Variants in CHN2 observed in about 807,000 individuals in gnomAD.
The protein encoded by CHN2 is beta-chimaerin.
CHN2 carries 35 observed loss-of-function variants against 56.3 expected under a neutral mutation model. The ratio of observed to expected loss-of-function variants is 0.62; its 90% CI spans 0.47 to 0.82. The LOEUF (loss-of-function observed/expected upper bound fraction) is 0.82, where lower values mean the gene tolerates loss of function less well. Ranked by LOEUF, CHN2 falls within the 40% of genes least tolerant of loss-of-function variation. The pLI is 0.00. For synonymous variants in CHN2, 210 were observed against 212.8 expected, an observed-to-expected ratio of 0.99 and a Z score of 0.12; for missense variants, 491 against 580.5, an observed-to-expected ratio of 0.85 and a Z score of 1.58.
At chr7:29,373,073 T>C (rs1030134136) in intron 3 of CHN2, among the ~76,000 whole-genome samples, 2 of 152,350 alleles carry the variant, frequency 1.3e-5, no homozygotes, top group African/African-American at 4.8e-5. Flanking sequence ...TGGAAAACTT[T>C]TTTAATGCAA....
intron 6 of CHN2, among the ~76,000 whole-genome samples, chr7:29,407,144 C>A (rs1802726978): frequency 6.6e-6 from 1 of 152,162 alleles, no homozygotes; most frequent in African/African-American, 2.4e-5. Flanking sequence ...TCGTGGAGAC[C>A]ATCTCATGCA....
intron 6 of CHN2, among the ~76,000 whole-genome samples, chr7:29,440,716 T>C (rs1243243384): frequency 5.0e-5 from 6 of 119,986 alleles, no homozygotes; most frequent in African/African-American, 1.9e-4. Flanking sequence ...AAAAAAAGAA[T>C]GCACAGAGAG....
intron 2 of CHN2, among the ~76,000 whole-genome samples, chr7:29,172,548 A>G (rs1796740396): frequency 6.6e-6 from 1 of 152,254 alleles, no homozygotes; most frequent in African/African-American, 2.4e-5. Flanking sequence ...CAGTTGGGAA[A>G]TGAATTTTAA....
intron 1 of CHN2, among the ~76,000 whole-genome samples, chr7:29,266,689 A>T (rs1790170866): frequency 6.6e-6 from 1 of 152,196 alleles, no homozygotes; most frequent in Non-Finnish European, 1.5e-5. Context: ...CCAGCCAGGG[A>T]AAGTGGAGCA....
intron 1 of CHN2, among the ~76,000 whole-genome samples, chr7:29,229,242 T>C (rs1341523333): frequency 6.6e-6 from 1 of 152,174 alleles, no homozygotes; most frequent in South Asian, 2.1e-4. Flanking sequence ...CACACATGTC[T>C]TTACCTTATC....
chr7:29,330,231 G>T (rs1240520254), intron 1 of CHN2, among the ~76,000 whole-genome samples: 13 of 152,152 alleles, frequency 8.5e-5, no homozygotes, highest in African/African-American at 3.1e-4. Flanking sequence ...AGTCTCTTTT[G>T]TAAAATAACA....
At chr7:29,324,050 G>T (rs1261528159) in intron 1 of CHN2, among the ~76,000 whole-genome samples, 1 of 151,988 alleles carries the variant, frequency 6.6e-6, no homozygotes, top group Non-Finnish European at 1.5e-5. Context: ...AGTTATAGGG[G>T]GTTGAAGCTG....
At chr7:29,472,859 G>C (rs989009252) in intron 6 of CHN2, among the ~76,000 whole-genome samples, 5 of 152,240 alleles carry the variant, frequency 3.3e-5, no homozygotes, top group Non-Finnish European at 7.3e-5. Flanking sequence ...CTTTGTGTCA[G>C]TGGGCTGTGG....
Position 29,195,008 on chromosome 7 carries a change from G to A in CHN2, c.49+18G>A. Reference sequence around the variant, plus strand: ...GTCCTCCGGTGAGTTTCAGCCCGTCGGGCGCTGCTGCCGCGCCGGGTCTCG... The same window carrying A: ...GTCCTCCGGTGAGTTTCAGCCCGTCAGGCGCTGCTGCCGCGCCGGGTCTCG... On this transcript the variant is annotated intron_variant, in intron 1 of 12. Transcript: ENST00000222792. 1 of 1,581,996 alleles carries A rather than the reference G, an allele frequency of 6.3e-7. No individual in the cohort carries two copies. The highest frequency in any genetic ancestry group is 8.6e-7 in the Non-Finnish European group (1 of 1,167,266).
intron 6 of CHN2, among the ~76,000 whole-genome samples, chr7:29,443,093 A>G (rs1397903348): frequency 1.3e-5 from 2 of 150,142 alleles, no homozygotes; most frequent in Non-Finnish European, 3.0e-5. Context: ...GGCGCCCGCC[A>G]CCGCGCCCGG....
At chr7:29,470,573 G>A (rs6957213) in intron 6 of CHN2, among the ~76,000 whole-genome samples, 1,862 of 152,148 alleles carry the variant, frequency 0.012, 33 homozygotes, top group African/African-American at 0.042. Context: ...TTTTTCTGTA[G>A]ATAAAGGTGC....
intron 3 of CHN2, among the ~76,000 whole-genome samples, chr7:29,372,448 C>T (rs575686195): frequency 6.6e-6 from 1 of 152,252 alleles, no homozygotes; most frequent in East Asian, 1.9e-4. Flanking sequence ...CTCTCTGATA[C>T]ACTTTCTTAA....
chr7:29,203,707 C>T (rs1272835388), intron 1 of CHN2, among the ~76,000 whole-genome samples: 1 of 152,158 alleles, frequency 6.6e-6, no homozygotes, highest in African/African-American at 2.4e-5. Flanking sequence ...TGCTCAGTGG[C>T]TCCTGTAGCC....
intron 6 of CHN2, among the ~76,000 whole-genome samples, chr7:29,433,482 G>T (rs189895205): frequency 1.3e-5 from 2 of 152,134 alleles, no homozygotes; most frequent in East Asian, 1.9e-4. Context: ...GAAATGAGAC[G>T]TACAGGAATA....
At chr7:29,155,006 G>A (rs1232166850) in intron 2 of CHN2, among the ~76,000 whole-genome samples, 1 of 152,196 alleles carries the variant, frequency 6.6e-6, no homozygotes, top group African/African-American at 2.4e-5. Flanking sequence ...GCAAAGAGAA[G>A]GGTGCTTGTG....
chr7:29,205,328 TC>T (rs773038089), intron 1 of CHN2, among the ~76,000 whole-genome samples: 1 of 152,208 alleles, frequency 6.6e-6, no homozygotes, highest in Non-Finnish European at 1.5e-5. Context: ...AACCACACAG[TC>T]CAAGGGTGGC....
intron 1 of CHN2, among the ~76,000 whole-genome samples, chr7:29,324,857 C>G (rs927780035): frequency 5.9e-5 from 9 of 152,070 alleles, no homozygotes; most frequent in African/African-American, 2.2e-4. Flanking sequence ...TAAGAATGCT[C>G]CCTGCTTTTG....
intron 1 of CHN2, 122 bp downstream of exon 1, chr7:29,195,112 C>T: frequency 1.9e-6 from 2 of 1,066,132 alleles, no homozygotes; most frequent in Non-Finnish European, 2.6e-6. Context: ...GGAATGGGGG[C>T]AGGCGTCCGG....
intron 1 of CHN2, among the ~76,000 whole-genome samples, chr7:29,261,894 G>C (rs577382826): frequency 1.9e-4 from 29 of 152,336 alleles, no homozygotes; most frequent in African/African-American, 6.5e-4. Context: ...TGCACCAGGC[G>C]TGGTGGGTTA....
Sources: gnomAD v4.1 joint callset for allele counts (sites outside exome capture counted in the v4.1 genomes callset) on GRCh38, gnomAD v4.1.1 for gene constraint, MANE v1.5 for transcripts, NCBI Gene and HGNC (gene_info 2026-07-23, HGNC 2026-07-21) for gene names.